Variants in SSBP2 observed in about 807,000 individuals in gnomAD.
The protein encoded by SSBP2 is single-stranded DNA-binding protein 2.
In SSBP2, 17 loss-of-function variants were observed where a neutral mutation model predicts 61.8. The ratio of observed to expected loss-of-function variants is 0.28; its 90% confidence interval spans 0.19 to 0.41. The LOEUF (loss-of-function observed/expected upper bound fraction) is 0.41, where lower values mean the gene tolerates loss of function less well. Among genes scored for constraint, SSBP2 ranks in the 10% least tolerant of loss-of-function variants. The pLI is 1.00. For synonymous variants in SSBP2, 139 were observed against 141.3 expected (o/e 0.98, Z 0.12); for missense variants, 310 against 458.7 (o/e 0.68, Z 2.96).
chr5:81,719,058 A>G (rs924500682), intron 1 of SSBP2, among the ~76,000 whole-genome samples: 15 of 152,332 alleles, frequency 9.8e-5, no homozygotes, highest in Admixed American at 7.2e-4. Context: ...AGAATTATAC[A>G]GTATCACTCT....
intron 4 of SSBP2, among the ~76,000 whole-genome samples, chr5:81,605,773 A>T (rs1459559744): frequency 6.6e-6 from 1 of 152,222 alleles, no homozygotes; most frequent in Non-Finnish European, 1.5e-5. Context: ...AGCCAGCCTC[A>T]TAATTTCACT....
chr5:81,673,976 T>G (rs773389939), intron 1 of SSBP2, among the ~76,000 whole-genome samples: 2 of 152,136 alleles, frequency 1.3e-5, no homozygotes, highest in African/African-American at 2.4e-5. Flanking sequence ...GAGCTTTATA[T>G]CCATTGAATA....
intron 1 of SSBP2, among the ~76,000 whole-genome samples, chr5:81,717,797 C>T (rs1257910120): frequency 6.6e-6 from 1 of 152,136 alleles, no homozygotes; most frequent in African/African-American, 2.4e-5. Flanking sequence ...TTTCATTCTA[C>T]ATATTTCCTA....
chr5:81,457,848 G>A (rs1323441098), intron 10 of SSBP2, among the ~76,000 whole-genome samples: 1 of 152,016 alleles, frequency 6.6e-6, no homozygotes, highest in Non-Finnish European at 1.5e-5. Flanking sequence ...TTTTAGTAGA[G>A]ATGGGGTTTC....
chr5:81,675,508 G>C (rs763279771), intron 1 of SSBP2, among the ~76,000 whole-genome samples: 2 of 152,242 alleles, frequency 1.3e-5, no homozygotes, highest in African/African-American at 2.4e-5. Flanking sequence ...AAGTGGAATA[G>C]ATACCTAGAC....
chr5:81,522,775 T>C (rs1769591128), intron 4 of SSBP2, among the ~76,000 whole-genome samples: 1 of 152,064 alleles, frequency 6.6e-6, no homozygotes, highest in Non-Finnish European at 1.5e-5. Flanking sequence ...CCACCTCACT[T>C]AGTCACCCAC....
At chr5:81,643,016 T>C (rs1168469589) in intron 2 of SSBP2, among the ~76,000 whole-genome samples, 1 of 152,194 alleles carries the variant, frequency 6.6e-6, no homozygotes, top group Non-Finnish European at 1.5e-5. Flanking sequence ...TATACTCCAT[T>C]CTATACTTGG....
At chr5:81,632,427 C>T (rs1747813230) in intron 3 of SSBP2, among the ~76,000 whole-genome samples, 1 of 152,082 alleles carries the variant, frequency 6.6e-6, no homozygotes, top group Non-Finnish European at 1.5e-5. Flanking sequence ...ATCTAGGTTC[C>T]AAAAATTGTT....
chr5:81,437,573 C>A, intron 14 of SSBP2, 115 bp from the exon 15 acceptor site: 4 of 910,610 alleles, frequency 4.4e-6, no homozygotes, highest in Non-Finnish European at 6.6e-6. Flanking sequence ...GCATATAGCT[C>A]CTGAGTTTTT....
intron 10 of SSBP2, among the ~76,000 whole-genome samples, chr5:81,455,198 T>C (rs1331248400): frequency 6.6e-6 from 1 of 152,136 alleles, no homozygotes; most frequent in Non-Finnish European, 1.5e-5. Flanking sequence ...CCAAACCTCA[T>C]TGCCTACCTT....
chr5:81,471,450 A>G (rs1179650122), intron 8 of SSBP2, among the ~76,000 whole-genome samples: 1 of 151,952 alleles, frequency 6.6e-6, no homozygotes, highest in African/African-American at 2.4e-5. Flanking sequence ...TTACAAGCAC[A>G]AAGTTTTTGT....
chr5:81,707,289 G>A lies in SSBP2; in HGVS notation c.62+43692C>T, dbSNP rs147896000. Among the ~76,000 whole-genome samples the A allele has an allele frequency of 3.9e-3, 596 of 152,150 alleles. 2 individuals carry two copies. The highest frequency in any genetic ancestry group is 0.013 in the African/African-American group (530 of 41,512). On this transcript the variant is annotated intron_variant, in intron 1 of 16. Transcript: ENST00000320672. Reference sequence around the variant, plus strand: ...AGATATGTTAGAGTCCTAGCCCCTCGTACCTCAGAATGTGACCTAATGTGG... The same window carrying A: ...AGATATGTTAGAGTCCTAGCCCCTCATACCTCAGAATGTGACCTAATGTGG...
intron 6 of SSBP2, among the ~76,000 whole-genome samples, chr5:81,483,230 G>C (rs990598505): frequency 2.0e-5 from 3 of 152,106 alleles, no homozygotes; most frequent in African/African-American, 7.2e-5. Flanking sequence ...GAGACACAAA[G>C]TGAGCACATG....
chr5:81,731,190 G>A (rs985826933), intron 1 of SSBP2, among the ~76,000 whole-genome samples: 1 of 152,136 alleles, frequency 6.6e-6, no homozygotes, highest in Admixed American at 6.5e-5. Context: ...CTATCTCATT[G>A]GGACAGAAAG....
chr5:81,749,270 A>C (rs768460928), intron 1 of SSBP2, among the ~76,000 whole-genome samples: 1 of 152,100 alleles, frequency 6.6e-6, no homozygotes, highest in Admixed American at 6.5e-5. Flanking sequence ...CTCAGAAAAT[A>C]TCTCTTGCAA....
intron 6 of SSBP2, among the ~76,000 whole-genome samples, chr5:81,488,646 G>A (rs1766615608): frequency 6.6e-6 from 1 of 151,310 alleles, no homozygotes; most frequent in Non-Finnish European, 1.5e-5. Flanking sequence ...CTGGTGTGCT[G>A]CACCCATTAA....
At chr5:81,659,222 A>G (rs548520911) in intron 1 of SSBP2, among the ~76,000 whole-genome samples, 1 of 152,298 alleles carries the variant, frequency 6.6e-6, no homozygotes, top group South Asian at 2.1e-4. Flanking sequence ...GAGGAAGTCA[A>G]ATTGTCTCTG....
chr5:81,747,653 A>G (rs1428035143), intron 1 of SSBP2, among the ~76,000 whole-genome samples: 3 of 152,188 alleles, frequency 2.0e-5, no homozygotes, highest in African/African-American at 7.2e-5. Context: ...TTTGAGTCTA[A>G]CATCTTCAAT....
chr5:81,675,915 G>A (rs756778051), intron 1 of SSBP2, among the ~76,000 whole-genome samples: 1 of 152,004 alleles, frequency 6.6e-6, no homozygotes, highest in Non-Finnish European at 1.5e-5. Flanking sequence ...GTTACCTCAT[G>A]GTCTTCTCAT....
Sources: allele counts gnomAD v4.1 joint callset (sites outside exome capture counted in the v4.1 genomes callset), GRCh38; gene constraint gnomAD v4.1.1; transcripts MANE v1.5; gene names NCBI Gene and HGNC (gene_info 2026-07-23, HGNC 2026-07-21).